PSEN1: variants seen among roughly 807,000 people sequenced by gnomAD.
The protein encoded by PSEN1 is presenilin 1.
A neutral mutation model predicts 53.5 loss-of-function variants in PSEN1; 15 were observed. The ratio of observed to expected loss-of-function variants is 0.28; its 90% CI spans 0.19 to 0.43. The LOEUF (loss-of-function observed/expected upper bound fraction) is 0.43, where lower values mean the gene tolerates loss of function less well. PSEN1 is among the 20% of genes least tolerant of loss of function. The pLI is 1.00. For missense variants in PSEN1, 387 were observed against 571.2 expected, an observed-to-expected ratio of 0.68 and a Z score of 3.29; for synonymous variants, 208 against 209.8, an observed-to-expected ratio of 0.99 and a Z score of 0.08.
intron 3 of PSEN1, among the ~76,000 whole-genome samples, chr14:73,156,272 C>G (rs1353737400): frequency 3.3e-5 from 5 of 152,006 alleles, no homozygotes; most frequent in Non-Finnish European, 5.9e-5. Flanking sequence ...CGGAGGATGA[C>G]TTGAGCCTGT....
intron 3 of PSEN1, among the ~76,000 whole-genome samples, chr14:73,158,988 GC>G (rs1404624088): frequency 6.6e-6 from 1 of 152,150 alleles, no homozygotes; most frequent in East Asian, 1.9e-4. Context: ...CTTTTCATGT[GC>G]TTGTCATCCT....
chr14:73,202,418 C>CTATATATATATATATATA (rs1248311168), intron 8 of PSEN1, among the ~76,000 whole-genome samples: 1 of 27,210 alleles, frequency 3.7e-5, no homozygotes, highest in Non-Finnish European at 5.9e-5. Context: ...CTATCACATA[C>CTATATATATATATATATA]TATATATATA....
intron 11 of PSEN1, 136 bp from the exon 12 acceptor site, chr14:73,218,998 C>CG: frequency 1.1e-6 from 1 of 929,862 alleles, no homozygotes; most frequent in Admixed American, 1.8e-5. Flanking sequence ...ATTGAATGAA[C>CG]GTCTGTTCTA....
chr14:73,217,912 C>T (rs1015063114), intron 11 of PSEN1, among the ~76,000 whole-genome samples: 6 of 151,286 alleles, frequency 4.0e-5, no homozygotes, highest in African/African-American at 7.3e-5. Flanking sequence ...CTCAGCCTCC[C>T]GAGTAGCTGG....
intron 7 of PSEN1, among the ~76,000 whole-genome samples, chr14:73,196,678 T>C: frequency 6.6e-6 from 1 of 151,292 alleles, no homozygotes; most frequent in Non-Finnish European, 1.5e-5. Context: ...TTTTGCCATC[T>C]TGGCCAGGCT....
intron 3 of PSEN1, among the ~76,000 whole-genome samples, chr14:73,165,696 C>G (rs868611560): frequency 1.3e-5 from 2 of 149,530 alleles, no homozygotes; most frequent in African/African-American, 5.0e-5. Context: ...TGTGGTGAGC[C>G]GAGATCGCAC....
Position 73,211,872 on chromosome 14 carries a change from T to G in PSEN1, c.1059T>G (p.Ser353=). ...QRDSHLGPHR[S]TPESRAAVQE... is the part of the protein sequence containing the mutation. ...ACAGTCATCTAGGGCCTCATCGCTC[T>G]ACACCTGAGTCACGAGCTGCTGTCC... is the stretch of plus-strand genomic sequence containing the variant. The change falls in exon 10 of 12, where the codon TCT becomes TCG. Residue 353 remains serine, a synonymous_variant. Coordinates refer to ENST00000324501, the MANE Select transcript of PSEN1 (RefSeq NM_000021.4). The G allele has an allele frequency of 6.2e-7, 1 of 1,614,044 alleles. No individual in the cohort carries two copies. The highest frequency in any genetic ancestry group is 8.5e-7 in the Non-Finnish European group (1 of 1,179,996).
chr14:73,167,296 A>G (rs908412923), intron 3 of PSEN1, among the ~76,000 whole-genome samples: 23 of 152,230 alleles, frequency 1.5e-4, no homozygotes, highest in African/African-American at 5.1e-4. Flanking sequence ...CTGAAATTCA[A>G]AGTGCTCCCA....
chr14:73,164,870 A>ATG (rs1897660933), intron 3 of PSEN1, among the ~76,000 whole-genome samples: 1 of 152,192 alleles, frequency 6.6e-6, no homozygotes, highest in Admixed American at 6.5e-5. Context: ...TTTCATATAT[A>ATG]TATATGTTCA....
chr14:73,191,703 A>G (rs1419502256), intron 6 of PSEN1, among the ~76,000 whole-genome samples: 1 of 151,830 alleles, frequency 6.6e-6, no homozygotes, highest in East Asian at 1.9e-4. Context: ...TGTGCCATCA[A>G]CTTTAGCTAA....
chr14:73,179,841 C>T (rs1249029544), intron 5 of PSEN1, among the ~76,000 whole-genome samples: 1 of 152,206 alleles, frequency 6.6e-6, no homozygotes, highest in African/African-American at 2.4e-5. Flanking sequence ...TCTTTTGCAA[C>T]CAGCTGCTGC....
chr14:73,184,649 C>G (rs1462226189), intron 5 of PSEN1, among the ~76,000 whole-genome samples: 4 of 116,492 alleles, frequency 3.4e-5, no homozygotes, highest in African/African-American at 1.3e-4. Context: ...GGGGGGCTGA[C>G]CCCCCCACCT....
Position 73,222,385 on chromosome 14 carries a change from T to C in PSEN1, c.*3096T>C, listed in dbSNP as rs1346435301. On this transcript the variant is annotated 3_prime_UTR_variant, in exon 12 of 12. Coordinates refer to ENST00000324501, the MANE Select transcript of PSEN1 (RefSeq NM_000021.4). ...CCAAACAGATGATGTTTATTACTTG[T>C]TATTTACGTGGCCTCAGACAGTGTA... The C allele has an allele frequency of 1.3e-5, 2 of 152,212 alleles. No homozygotes were observed. Among genetic ancestry groups the C allele is most frequent in the Non-Finnish European group, 2.9e-5 (2 of 68,042 alleles). 9.4% of individuals were successfully genotyped at this position (152,212 alleles called of 1,614,324 possible). A position where few individuals can be genotyped will look rare whatever the true frequency, so the allele number is the denominator to read the frequency against.
chr14:73,217,560 T>G (rs1053220294), intron 11 of PSEN1, among the ~76,000 whole-genome samples: 9 of 152,186 alleles, frequency 5.9e-5, no homozygotes, highest in Admixed American at 3.3e-4. Context: ...AGCACAGATA[T>G]GTAGGAAATT....
chr14:73,145,053 C>T (rs1897031915), intron 1 of PSEN1, among the ~76,000 whole-genome samples: 1 of 152,048 alleles, frequency 6.6e-6, no homozygotes, highest in Non-Finnish European at 1.5e-5. Context: ...CTACCATGCC[C>T]AGCTAATTTT....
At chr14:73,150,175 T>TA (rs1216722325) in intron 3 of PSEN1, among the ~76,000 whole-genome samples, 45 of 152,346 alleles carry the variant, frequency 3.0e-4, no homozygotes, top group African/African-American at 9.6e-4. Flanking sequence ...CTTAACATCT[T>TA]ATTTGCTGTT....
chr14:73,215,638 A>G (rs974164980), intron 10 of PSEN1, among the ~76,000 whole-genome samples: 3 of 152,168 alleles, frequency 2.0e-5, no homozygotes, highest in Non-Finnish European at 2.9e-5. Flanking sequence ...TATATAAAGG[A>G]TGCTTACAAC....
At chr14:73,206,662 A>G (rs770899694) in intron 9 of PSEN1, among the ~76,000 whole-genome samples, 190 bp downstream of exon 9, 21 of 152,334 alleles carry the variant, frequency 1.4e-4, no homozygotes, top group Non-Finnish European at 2.5e-4. Flanking sequence ...CCAACAATAC[A>G]GTCAAAGCAT....
intron 6 of PSEN1, among the ~76,000 whole-genome samples, chr14:73,189,053 A>C (rs966275882): frequency 3.3e-5 from 5 of 151,964 alleles, no homozygotes; most frequent in African/African-American, 1.2e-4. Context: ...CGCCTCCCAA[A>C]ATGCTGGGAT....
Sources: gnomAD v4.1 joint callset for allele counts (sites outside exome capture counted in the v4.1 genomes callset) on GRCh38, gnomAD v4.1.1 for gene constraint, MANE v1.5 for transcripts, NCBI Gene and HGNC (gene_info 2026-07-23, HGNC 2026-07-21) for gene names.